Variants in LRRC8A observed in about 807,000 individuals in gnomAD.
The protein encoded by LRRC8A is volume-regulated anion channel subunit LRRC8A.
A neutral mutation model predicts 52.5 loss-of-function variants in LRRC8A; 24 were observed. The observed-to-expected ratio is 0.46, with a 90% CI of 0.33 to 0.64. LRRC8A has a LOEUF of 0.64. Among genes scored for constraint, LRRC8A ranks in the 30% least tolerant of loss-of-function variants. The probability of loss-of-function intolerance (pLI) is 0.02; values close to 1 mark genes in which losing one functional copy is unlikely to be tolerated. For synonymous variants in LRRC8A, 492 were observed against 494.2 expected, an observed-to-expected ratio of 1.00 and a Z score of 0.06; for missense variants, 677 against 1,094.7, an observed-to-expected ratio of 0.62 and a Z score of 5.38.
intron 1 of LRRC8A, chr9:128,882,807 G>C (rs528496413): frequency 5.5e-5 from 22 of 398,766 alleles, no homozygotes; most frequent in African/African-American, 3.3e-4. Context: ...TGGGAAGACC[G>C]GTCCGGAATC....
At position 128,917,063 on chromosome 9, in the gene LRRC8A, T is replaced by TAA. The variant is rs35239656; in HGVS notation, c.*700_*701dup. 0.34 allele frequency: 47,883 copies of TAA among 140,254 alleles called. 9,176 individuals are homozygous for TAA. The highest frequency in any genetic ancestry group is 0.53 in the African/African-American group (19,947 of 37,610). The allele number at this position is 140,254 out of a possible 1,614,324, so 8.7% of individuals were successfully genotyped here. A position where few individuals can be genotyped will look rare whatever the true frequency, so the allele number is the denominator to read the frequency against. ...TTTTTTAATCAAAAAACAATTTTTT[T>TAA]AAAAAAAAAGCTTTGAAAATGGATG... On this transcript the variant is annotated 3_prime_UTR_variant, in exon 4 of 4. Coordinates refer to ENST00000372600, the MANE Select transcript of LRRC8A (RefSeq NM_019594.4).
intron 1 of LRRC8A, chr9:128,885,490 C>G (rs1053849749): frequency 6.6e-6 from 1 of 152,308 alleles, no homozygotes; most frequent in African/African-American, 2.4e-5. Flanking sequence ...TTCCCTGACC[C>G]CACTAGTCTG....
chr9:128,908,542 A>T lies in LRRC8A; in HGVS notation c.1378A>T (p.Thr460Ser). Residue 460 changes from threonine (T) to serine (S), a missense_variant, in exon 3 of 4, where the codon ACC (threonine) becomes TCC (serine). Around this residue, in one of 4 missense-constraint regions of LRRC8A, gnomAD observed 422 missense variants for 741.5 expected, o/e 0.57. Coordinates refer to ENST00000372600, the MANE Select transcript of LRRC8A (RefSeq NM_019594.4). The stretch of plus-strand genomic sequence containing the variant: ...CAAGCTGGAGCTGATCCCCGACGTG[A>T]CCATCCCGCCCAGCATTGCCCAGCT... Reference protein sequence around the residue: ...VLKLELIPDVTIPPSIAQLTG... With the variant: ...VLKLELIPDVSIPPSIAQLTG... 1 of 1,612,746 alleles carries T rather than the reference A, an allele frequency of 6.2e-7. No individual in the cohort carries two copies. Among genetic ancestry groups the T allele is most frequent in the Non-Finnish European group, 8.5e-7 (1 of 1,179,938 alleles).
chr9:128,907,554 T>C lies in LRRC8A; in HGVS notation c.390T>C (p.Leu130=). 6.2e-7 allele frequency: 1 copy of C among 1,614,162 alleles called. No individual in the cohort carries two copies. ...WFAKYFPYLV[L]LHTLIFLACS... ...CCAAGTACTTCCCCTACCTGGTGCT[T>C]CTGCACACGCTCATCTTCCTGGCCT... is the stretch of plus-strand genomic sequence containing the variant. Residue 130 remains leucine (L), a synonymous_variant, in exon 3 of 4, where the codon CTT becomes CTC. Coordinates refer to ENST00000372600, the MANE Select transcript of LRRC8A (RefSeq NM_019594.4). The surrounding 1 kb of genome is among the most constrained non-coding windows in gnomAD (Gnocchi z 9.3).
chr9:128,912,181 C>T (rs555658289), intron 3 of LRRC8A, among the ~76,000 whole-genome samples: 1 of 152,318 alleles, frequency 6.6e-6, no homozygotes, highest in South Asian at 2.1e-4. Context: ...CCTTGGCCGC[C>T]CAAAGTGCTG....
In LRRC8A at chr9:128,907,263, C is replaced by T. The variant is rs373286191; in HGVS notation, c.99C>T (p.Ile33=). Residue 33 remains isoleucine (I), a synonymous_variant, in exon 3 of 4, where the codon ATC becomes ATT. Transcript: ENST00000372600. This position sits in a 1 kb window ranked among gnomAD's most constrained non-coding sequence, Gnocchi z 9.3. ...ATGTGTTCACAGACTACATCTCTATCGTCATGCTGATGATTGCCGTCTTCG... is the reference window on the plus strand; with the variant it reads ...ATGTGTTCACAGACTACATCTCTATTGTCATGCTGATGATTGCCGTCTTCG... ...WWDVFTDYIS[I]VMLMIAVFGG... is the part of the protein sequence containing the mutation. 1.6e-5 allele frequency: 26 copies of T among 1,613,976 alleles called. No individual in the cohort carries two copies. The highest frequency in any genetic ancestry group is 8.9e-5 in the East Asian group (4 of 44,900).
chr9:128,888,479 C>G (rs1839482765), intron 2 of LRRC8A, among the ~76,000 whole-genome samples: 1 of 152,162 alleles, frequency 6.6e-6, no homozygotes, highest in Admixed American at 6.5e-5. Flanking sequence ...TCAGTTTACC[C>G]TTGCTGTATC....
At chr9:128,912,966 G>A (rs1387860879) in intron 3 of LRRC8A, 1 of 152,386 alleles carries the variant, frequency 6.6e-6, no homozygotes, top group Non-Finnish European at 1.5e-5. Flanking sequence ...AGAGGCCAAG[G>A]TGTGTCTCAT....
intron 1 of LRRC8A, chr9:128,882,706 C>T (rs1839130126): frequency 5.0e-6 from 2 of 398,950 alleles, no homozygotes; most frequent in African/African-American, 2.1e-5. Context: ...CCCTTGCACC[C>T]CTCCTTCCTA....
At chr9:128,905,412 A>G (rs1840208069) in intron 2 of LRRC8A, among the ~76,000 whole-genome samples, 2 of 152,186 alleles carry the variant, frequency 1.3e-5, no homozygotes, top group African/African-American at 4.8e-5. Context: ...GTGACCACGA[A>G]TGGCCACAGA....
intron 2 of LRRC8A, among the ~76,000 whole-genome samples, chr9:128,897,020 G>A (rs1207956212): frequency 2.0e-5 from 3 of 152,024 alleles, no homozygotes; most frequent in East Asian, 1.9e-4. Context: ...AGTTGTGCCC[G>A]GCTGTATTCT....
intron 2 of LRRC8A, among the ~76,000 whole-genome samples, chr9:128,904,793 G>C (rs1196776954): frequency 3.3e-5 from 5 of 151,874 alleles, no homozygotes; most frequent in Admixed American, 2.6e-4. Context: ...AGGAGAACGA[G>C]ACCATCCTGG....
intron 2 of LRRC8A, among the ~76,000 whole-genome samples, chr9:128,894,235 G>C (rs1432163875): frequency 6.6e-6 from 1 of 151,836 alleles, no homozygotes; most frequent in Non-Finnish European, 1.5e-5. Context: ...TGTAATCCCA[G>C]CACTTTGGGA....
Position 128,908,239 on chromosome 9 carries a change from G to T in LRRC8A, c.1075G>T (p.Glu359Ter). 1 of 1,614,118 alleles carries T rather than the reference G, an allele frequency of 6.2e-7. No individual in the cohort carries two copies. Among genetic ancestry groups the T allele is most frequent in the Non-Finnish European group, 8.5e-7 (1 of 1,180,028 alleles). ...KKYSFESIRE[E>*]SSYSDIPDVK... Reference sequence around the variant, plus strand: ...GTACTCGTTTGAGTCGATCCGTGAGGAGAGCAGCTACAGCGACATCCCCGA... The same window carrying T: ...GTACTCGTTTGAGTCGATCCGTGAGTAGAGCAGCTACAGCGACATCCCCGA... The change falls in exon 3 of 4, where the codon GAG (glutamate) becomes TAG (stop). Residue 359 changes from glutamate to a stop codon, truncating the protein, a stop_gained. Transcript: ENST00000372600. LOFTEE classifies it high-confidence loss of function.
At chr9:128,889,365 A>T (rs930396772) in intron 2 of LRRC8A, among the ~76,000 whole-genome samples, 1 of 152,076 alleles carries the variant, frequency 6.6e-6, no homozygotes, top group Non-Finnish European at 1.5e-5. Flanking sequence ...ATGCTGAGAA[A>T]CACTGACCGG....
chr9:128,898,805 C>A (rs1839920301), intron 2 of LRRC8A, among the ~76,000 whole-genome samples: 2 of 152,278 alleles, frequency 1.3e-5, no homozygotes, highest in Non-Finnish European at 2.9e-5. Context: ...GCTTGCTCTC[C>A]ACTGACCTGG....
chr9:128,909,090 C>T lies in LRRC8A; in HGVS notation c.1926C>T (p.Thr642=). 2 of 1,614,184 alleles carry T rather than the reference C, an allele frequency of 1.2e-6. No individual in the cohort carries two copies. The highest frequency in any genetic ancestry group is 1.7e-6 in the Non-Finnish European group (2 of 1,180,040). The change falls in exon 3 of 4, where the codon ACC becomes ACT. Residue 642 remains threonine, a synonymous_variant. Coordinates refer to ENST00000372600, the MANE Select transcript of LRRC8A (RefSeq NM_019594.4). ...GCTTCCAGCACCTGCACCGCCTCAC[C>T]TGCCTTAAGCTGTGGTACAACCACA... The part of the protein sequence containing the change: ...IISFQHLHRL[T]CLKLWYNHIA...
At position 128,908,072 on chromosome 9, in the gene LRRC8A, C is replaced by T. The variant is rs771228754; in HGVS notation, c.908C>T (p.Thr303Met). 30 of 1,613,946 alleles carry T rather than the reference C, an allele frequency of 1.9e-5. No individual in the cohort carries two copies. Among genetic ancestry groups the T allele is most frequent in the Admixed American group, 1.7e-4 (10 of 59,990 alleles). Residue 303 changes from threonine (T) to methionine (M), a missense_variant, in exon 3 of 4, where the codon ACG (threonine) becomes ATG (methionine). Thr to Met is a moderately conservative substitution (Grantham distance 81, BLOSUM62 -1). Transcript: ENST00000372600. ...TGCACCGTGGACATTGAGAGCCTGA[C>T]GGGCTACCGCACCTACCGCTGTGCC... ...VDCTVDIESL[T>M]GYRTYRCAHP... is the part of the protein sequence containing the mutation.
chr9:128,913,260 T>C (rs1840640670), intron 3 of LRRC8A, among the ~76,000 whole-genome samples: 1 of 152,118 alleles, frequency 6.6e-6, no homozygotes, highest in Non-Finnish European at 1.5e-5. Flanking sequence ...GACAGCGGCT[T>C]TCCTGCAGTT....
Sources: allele counts gnomAD v4.1 joint callset (sites outside exome capture counted in the v4.1 genomes callset), GRCh38; gene constraint gnomAD v4.1.1; regional missense constraint gnomAD v4.1.1; non-coding constraint Gnocchi (gnomAD v3.1); transcripts MANE v1.5; gene names NCBI Gene and HGNC (gene_info 2026-07-23, HGNC 2026-07-21).